STARD6: variants seen among roughly 807,000 people sequenced by gnomAD.
The protein encoded by STARD6 is stAR-related lipid transfer protein 6.
STARD6 carries 21 observed loss-of-function variants against 22.3 expected under a neutral mutation model. The observed-to-expected ratio is 0.94, with a 90% CI of 0.67 to 1.35. The LOEUF is 1.35. STARD6 is among the 40% of genes most tolerant of loss of function. The probability of loss-of-function intolerance (pLI) is 0.00; values close to 1 mark genes in which losing one functional copy is unlikely to be tolerated. For synonymous variants in STARD6, 80 were observed against 88.1 expected (o/e 0.91, Z 0.52); for missense variants, 269 against 266.9 (o/e 1.01, Z -0.05).
At chr18:54,343,464 AG>A (rs1195987647) in intron 4 of STARD6, among the ~76,000 whole-genome samples, 2 of 112,980 alleles carry the variant, frequency 1.8e-5, no homozygotes. Flanking sequence ...CTGGGAGGTG[AG>A]GGGCGCCTCT....
intron 5 of STARD6, among the ~76,000 whole-genome samples, chr18:54,332,114 T>G (rs1262469677): frequency 6.6e-6 from 1 of 152,200 alleles, no homozygotes; most frequent in Non-Finnish European, 1.5e-5. Context: ...AATTGAAGCC[T>G]AACAGATTAA....
chr18:54,334,177 T>TA (rs2088889595), intron 5 of STARD6, among the ~76,000 whole-genome samples: 1 of 152,182 alleles, frequency 6.6e-6, no homozygotes, highest in Non-Finnish European at 1.5e-5. Flanking sequence ...TGACTCTATA[T>TA]ATCTTTGGGT....
At chr18:54,326,114 A>G (rs1160693871) in intron 7 of STARD6, among the ~76,000 whole-genome samples, 3 of 152,186 alleles carry the variant, frequency 2.0e-5, no homozygotes, top group South Asian at 2.1e-4. Context: ...AGCCTGTTCA[A>G]AATCGCCCTT....
intron 3 of STARD6, 82 bp downstream of exon 3, chr18:54,354,402 A>AC: frequency 7.7e-7 from 1 of 1,291,672 alleles, no homozygotes; most frequent in South Asian, 1.3e-5. Context: ...AACAGAAAAT[A>AC]TTTTTTTAAA....
At chr18:54,337,919 C>T (rs2088932224) in intron 4 of STARD6, among the ~76,000 whole-genome samples, 1 of 152,078 alleles carries the variant, frequency 6.6e-6, no homozygotes, top group South Asian at 2.1e-4. Flanking sequence ...CAAAGACGAC[C>T]AGCCAGAAGT....
chr18:54,333,188 G>A (rs574542124), intron 5 of STARD6, among the ~76,000 whole-genome samples: 8 of 152,248 alleles, frequency 5.3e-5, no homozygotes, highest in East Asian at 1.9e-4. Context: ...GGTGGCTCAC[G>A]CCTGTAATCC....
intron 4 of STARD6, among the ~76,000 whole-genome samples, chr18:54,341,299 T>G (rs553815215): frequency 5.9e-5 from 9 of 152,312 alleles, no homozygotes; most frequent in African/African-American, 2.2e-4. Flanking sequence ...GACCTCATGA[T>G]CCGCCCACCT....
At position 54,353,999 on chromosome 18, in the gene STARD6, T is replaced by C. The variant is rs1032806483; in HGVS notation, c.140+55A>G. 1.0e-4 allele frequency: 113 copies of C among 1,087,154 alleles called. No individual in the cohort carries two copies. The Admixed American group carries it at 2.5e-3, about 24-fold the overall frequency. 67.3% of individuals were successfully genotyped at this position (1,087,154 alleles called of 1,614,324 possible). A position where few individuals can be genotyped will look rare whatever the true frequency, so the allele number is the denominator to read the frequency against. ...AATGAAGCAGCACTGAAATTCCAGA[T>C]ACATCAATGGCATTGAATTTAAAAC... On this transcript the variant is annotated intron_variant, in intron 4 of 7. Transcript: ENST00000307844.
intron 6 of STARD6, among the ~76,000 whole-genome samples, 173 bp downstream of exon 6, chr18:54,331,569 C>A (rs1383301806): frequency 6.6e-6 from 1 of 152,100 alleles, no homozygotes; most frequent in East Asian, 1.9e-4. Flanking sequence ...ATAAATGGCA[C>A]CTTCAGAGTG....
chr18:54,326,229 G>A (rs2088823524), intron 7 of STARD6, among the ~76,000 whole-genome samples: 1 of 150,614 alleles, frequency 6.6e-6, no homozygotes, highest in South Asian at 2.1e-4. Flanking sequence ...GGGAAAATCT[G>A]ATTAGTGGCT....
At chr18:54,342,794 G>A (rs1390466250) in intron 4 of STARD6, among the ~76,000 whole-genome samples, 3 of 38,152 alleles carry the variant, frequency 7.9e-5, no homozygotes, top group Non-Finnish European at 1.4e-4. Flanking sequence ...GTGCAGTGGC[G>A]TGATCTCGGC....
In STARD6 at chr18:54,354,063, T is replaced by C. The variant is rs538456063; in HGVS notation, c.131A>G (p.His44Arg). The C allele has an allele frequency of 5.7e-6, 9 of 1,566,378 alleles. No homozygotes were observed. The South Asian group carries it at 1.1e-4, about 19-fold the overall frequency. Reference protein sequence around the residue: ...TVSSKASRKFHGNLYRVEGII... With the variant: ...TVSSKASRKFRGNLYRVEGII... ...AGAAGATTGTACTCACAGATTTCCA[T>C]GGAATTTTCTAGAAGCCTTACTGGA... Residue 44 changes from histidine (H) to arginine (R), a missense_variant, in exon 4 of 8, where the codon CAT becomes CGT. His to Arg is a conservative substitution (Grantham distance 29). Coordinates refer to ENST00000307844, the MANE Select transcript of STARD6 (RefSeq NM_139171.2).
chr18:54,325,307 T>C (rs28461550), intron 7 of STARD6, among the ~76,000 whole-genome samples: 231 of 152,242 alleles, frequency 1.5e-3, no homozygotes, highest in Non-Finnish European at 2.5e-3. Flanking sequence ...CCCACATATA[T>C]AAATATAGTT....
Position 54,329,398 on chromosome 18 carries a change from T to C in STARD6, c.428A>G (p.Tyr143Cys), listed in dbSNP as rs1407600783. 11 of 1,605,090 alleles carry C rather than the reference T, an allele frequency of 6.9e-6. No homozygotes were observed. The South Asian group carries it at 1.2e-4, about 18-fold the overall frequency. ...ACAAGGATGGTTATAACCGCGGATATAATTTGAAGATGGAGGATATTCTGG... is the reference window on the plus strand; with the variant it reads ...ACAAGGATGGTTATAACCGCGGATACAATTTGAAGATGGAGGATATTCTGG... Reference protein sequence around the residue: ...DFPEYPPSSNYIRGYNHPCGF... With the variant: ...DFPEYPPSSNCIRGYNHPCGF... Residue 143 changes from tyrosine (Y) to cysteine (C), a missense_variant, in exon 7 of 8, where the codon TAT (tyrosine) becomes TGT (cysteine). Transcript: ENST00000307844.
intron 7 of STARD6, among the ~76,000 whole-genome samples, chr18:54,327,900 A>G (rs773526289): frequency 8.2e-4 from 125 of 151,946 alleles, no homozygotes; most frequent in Non-Finnish European, 4.3e-4. Flanking sequence ...TCATTTATCC[A>G]AGGTCAACCT....
chr18:54,342,454 TCTC>T, intron 4 of STARD6, among the ~76,000 whole-genome samples: 1 of 123,098 alleles, frequency 8.1e-6, no homozygotes, highest in African/African-American at 3.7e-5. Flanking sequence ...TCCCTCTCCC[TCTC>T]CCTCTCCCTC....
intron 4 of STARD6, among the ~76,000 whole-genome samples, chr18:54,345,455 C>T (rs1316529644): frequency 1.3e-5 from 2 of 152,144 alleles, no homozygotes; most frequent in East Asian, 3.8e-4. Context: ...TGTTCATGTA[C>T]TGGAAGACTT....
chr18:54,325,017 G>A (rs530915190), intron 7 of STARD6, 142 bp from the exon 8 acceptor site: 9 of 594,234 alleles, frequency 1.5e-5, no homozygotes, highest in African/African-American at 1.2e-4. Context: ...TAAGTGGCTA[G>A]AATATTTCTT....
intron 5 of STARD6, among the ~76,000 whole-genome samples, chr18:54,333,688 C>A (rs977171924): frequency 6.6e-6 from 1 of 152,094 alleles, no homozygotes; most frequent in Non-Finnish European, 1.5e-5. Flanking sequence ...AACAGATTTA[C>A]CTTCATGGGC....
Sources: gnomAD v4.1 joint callset for allele counts (sites outside exome capture counted in the v4.1 genomes callset) on GRCh38, gnomAD v4.1.1 for gene constraint, MANE v1.5 for transcripts, NCBI Gene and HGNC (gene_info 2026-07-23, HGNC 2026-07-21) for gene names.